The following SMDT1 variants were observed in gnomAD, a reference collection of about 807,000 sequenced individuals.
SMDT1 encodes the protein single-pass membrane protein with aspartate rich tail 1.
SMDT1 carries 6 observed loss-of-function variants against 5.9 expected under a neutral mutation model. The observed-to-expected ratio is 1.03, with a 90% CI of 0.56 to 2.02. The LOEUF is 2.02. SMDT1 is among the 30% of genes most tolerant of loss of function. SMDT1 has a pLI of 0.00. For synonymous variants in SMDT1, 81 were observed against 62.4 expected, an observed-to-expected ratio of 1.30 and a Z score of -1.40; for missense variants, 159 against 145.6, an observed-to-expected ratio of 1.09 and a Z score of -0.47.
rs1927590058 is a variant in SMDT1 at position 42,079,706 on chromosome 22, G to C, written c.-63G>C. ...CGAGGCTTCGGGCGGCTTTCTTCCC[G>C]AGGGCGGCACGAGGGCTGGGCGGTG... On this transcript the variant is annotated 5_prime_UTR_variant, in exon 1 of 3. Coordinates refer to ENST00000331479, the MANE Select transcript of SMDT1 (RefSeq NM_033318.5). 1 of 1,526,948 alleles carries C rather than the reference G, an allele frequency of 6.5e-7. No homozygotes were observed. Among genetic ancestry groups the C allele is most frequent in the South Asian group, 1.2e-5 (1 of 83,010 alleles). The allele number at this position is 1,526,948 out of a possible 1,614,324, so 94.6% of individuals were successfully genotyped here.
Position 42,079,919 on chromosome 22 carries a change from A to T in SMDT1, c.151A>T (p.Thr51Ser), listed in dbSNP as rs1927632891. 6.2e-7 allele frequency: 1 copy of T among 1,613,362 alleles called. No homozygotes were observed. The change falls in exon 1 of 3, where the codon ACC becomes TCC. Residue 51 changes from threonine to serine, a missense_variant. Physicochemically the swap from Thr to Ser is moderately conservative, Grantham distance 58. Transcript: ENST00000331479. The part of the protein sequence containing the change: ...SLVPSRSVIV[T>S]RSGAILPKPV... ...GGTACCGTCGAGGTCAGTCATCGTT[A>T]CCCGCAGCGGCGCCATTTTGCCCAA...
chr22:42,082,127 G>A (rs955023452), intron 2 of SMDT1, 62 bp downstream of exon 2: 2 of 1,587,316 alleles, frequency 1.3e-6, no homozygotes, highest in Non-Finnish European at 1.7e-6. Flanking sequence ...CTGTGATGCA[G>A]TCTGGCCTGG....
chr22:42,082,694 C>T (rs944040791), intron 2 of SMDT1, among the ~76,000 whole-genome samples: 1 of 152,200 alleles, frequency 6.6e-6, no homozygotes, highest in African/African-American at 2.4e-5. Context: ...ATACCCACCC[C>T]CAAACATTGG....
In SMDT1 at chr22:42,081,944, G is replaced by A. The variant is rs139230313; in HGVS notation, c.206G>A (p.Arg69His). The A allele has an allele frequency of 8.9e-5, 144 of 1,613,900 alleles. No homozygotes were observed. Among genetic ancestry groups the A allele is most frequent in the African/African-American group, 1.3e-4 (10 of 74,894 alleles). ...CTGCAGATGTCCTTCGGCCTTCTCC[G>A]TGTGTTCTCCATTGTGATCCCCTTT... ...KPVKMSFGLL[R>H]VFSIVIPFLY... The change falls in exon 2 of 3, where the codon CGT (arginine) becomes CAT (histidine). Residue 69 changes from arginine to histidine, a missense_variant. Transcript: ENST00000331479.
intron 1 of SMDT1, among the ~76,000 whole-genome samples, chr22:42,080,236 G>C (rs922140739): frequency 1.3e-5 from 2 of 152,186 alleles, no homozygotes; most frequent in African/African-American, 4.8e-5. Context: ...AGACTAGGCC[G>C]TGTGCTTCTA....
At chr22:42,081,878 C>G in intron 1 of SMDT1, 47 bp from the exon 2 acceptor site, 1 of 1,609,496 alleles carries the variant, frequency 6.2e-7, no homozygotes, top group Non-Finnish European at 8.5e-7. Context: ...TTTGGTCCTG[C>G]CAGAGTGGGC....
intron 1 of SMDT1, among the ~76,000 whole-genome samples, chr22:42,080,976 G>A (rs1927738728): frequency 6.6e-6 from 1 of 152,188 alleles, no homozygotes; most frequent in Admixed American, 6.5e-5. Flanking sequence ...TCTGTCATCG[G>A]TTTTCGTGTA....
intron 1 of SMDT1, among the ~76,000 whole-genome samples, chr22:42,081,477 TTTA>T (rs1927781163): frequency 6.7e-6 from 1 of 148,986 alleles, no homozygotes; most frequent in Non-Finnish European, 1.5e-5. Flanking sequence ...TTGTCTTTTT[TTTA>T]GACAGAGCCT....
intron 1 of SMDT1, 104 bp downstream of exon 1, chr22:42,080,058 T>C (rs1569461721): frequency 3.1e-6 from 4 of 1,282,744 alleles, no homozygotes; most frequent in Non-Finnish European, 3.2e-6. Flanking sequence ...ATCATAACGA[T>C]TACCGTAGAC....
In SMDT1 at chr22:42,079,940, C is replaced by T. The variant is rs1464247852; in HGVS notation, c.172C>T (p.Pro58Ser). Residue 58 changes from proline to serine, a missense_variant, in exon 1 of 3, where the codon CCC becomes TCC. Transcript: ENST00000331479. ...CGTTACCCGCAGCGGCGCCATTTTGCCCAAACCGGTGAAAGTGAGTGTCCT... is the reference window on the plus strand; with the variant it reads ...CGTTACCCGCAGCGGCGCCATTTTGTCCAAACCGGTGAAAGTGAGTGTCCT... ...VIVTRSGAILPKPVKMSFGLL... is the reference protein window; with the variant it reads ...VIVTRSGAILSKPVKMSFGLL... 2 of 1,611,602 alleles carry T rather than the reference C, an allele frequency of 1.2e-6. No homozygotes were observed. Among genetic ancestry groups the T allele is most frequent in the Non-Finnish European group, 8.5e-7 (1 of 1,178,508 alleles).
chr22:42,081,451 CA>C (rs1426132548), intron 1 of SMDT1, among the ~76,000 whole-genome samples: 1 of 151,718 alleles, frequency 6.6e-6, no homozygotes, highest in Non-Finnish European at 1.5e-5. Context: ...AGGTGTGAGC[CA>C]CTGCGCCCGG....
At chr22:42,082,774 G>A (rs1927883772) in intron 2 of SMDT1, among the ~76,000 whole-genome samples, 2 of 152,108 alleles carry the variant, frequency 1.3e-5, no homozygotes, top group Non-Finnish European at 1.5e-5. Context: ...ATTCTACAGT[G>A]TCTTTGAAGT....
chr22:42,083,825 C>T lies in SMDT1; in HGVS notation c.*710C>T, dbSNP rs1328499835. The T allele has an allele frequency of 1.3e-5, 2 of 152,176 alleles. No homozygotes were observed. The highest frequency in any genetic ancestry group is 1.5e-5 in the Non-Finnish European group (1 of 68,040). The allele number at this position is 152,176 out of a possible 1,614,324, so 9.4% of individuals were successfully genotyped here. ...CAGATCTTCTCCTGACCTCCTTTCA[C>T]CTGCTGCTTTTTCTCCCCAAGGCAG... On this transcript the variant is annotated 3_prime_UTR_variant, in exon 3 of 3. Transcript: ENST00000331479.
rs866772288 is a variant in SMDT1 at position 42,081,411 on chromosome 22, C to T, written c.187-514C>T. On this transcript the variant is annotated intron_variant, in intron 1 of 2. Coordinates refer to ENST00000331479, the MANE Select transcript of SMDT1 (RefSeq NM_033318.5). ...CGAACTTCTGACCTCGTGATCCGCCCGCCTCAGCCTCCCAAAGTGCTGGGA... is the reference window on the plus strand; with the variant it reads ...CGAACTTCTGACCTCGTGATCCGCCTGCCTCAGCCTCCCAAAGTGCTGGGA... Among the ~76,000 whole-genome samples, 25 of 152,106 alleles carry T rather than the reference C, an allele frequency of 1.6e-4. No homozygotes were observed. The Middle Eastern group carries it at 0.017, about 103-fold the overall frequency.
rs1216930381 is a variant in SMDT1, at chr22:42,083,478, G to T, written c.*363G>T. 2 of 152,196 alleles carry T rather than the reference G, an allele frequency of 1.3e-5. No homozygotes were observed. The highest frequency in any genetic ancestry group is 4.8e-5 in the African/African-American group (2 of 41,442). 9.4% of individuals were successfully genotyped at this position (152,196 alleles called of 1,614,324 possible). ...CCCAGGCTATCCAGGCTGCAGTGGAGCCTGGTGAACTATTCTGGGGGCCCT... is the reference window on the plus strand; with the variant it reads ...CCCAGGCTATCCAGGCTGCAGTGGATCCTGGTGAACTATTCTGGGGGCCCT... On this transcript the variant is annotated 3_prime_UTR_variant, in exon 3 of 3. Coordinates refer to ENST00000331479, the MANE Select transcript of SMDT1 (RefSeq NM_033318.5).
Position 42,079,812 on chromosome 22 carries a change from G to A in SMDT1, c.44G>A (p.Arg15Lys). 1 of 1,612,518 alleles carries A rather than the reference G, an allele frequency of 6.2e-7. No individual in the cohort carries two copies. Among genetic ancestry groups the A allele is most frequent in the South Asian group, 1.1e-5 (1 of 91,058 alleles). Residue 15 changes from arginine (R) to lysine (K), a missense_variant, in exon 1 of 3, where the codon AGG (arginine) becomes AAG (lysine). Arg to Lys is a conservative substitution (Grantham distance 26). Transcript: ENST00000331479. ...CGCTGGCTAGTATTGGCACCCGTCA[G>A]GTCCGGGGCTCTCCGGAGCGGGCCT... ...AARWLVLAPV[R>K]SGALRSGPSL...
chr22:42,079,819 G>A lies in SMDT1; in HGVS notation c.51G>A (p.Gly17=), dbSNP rs1215084038. The A allele has an allele frequency of 6.2e-7, 1 of 1,613,022 alleles. No homozygotes were observed. Among genetic ancestry groups the A allele is most frequent in the South Asian group, 1.1e-5 (1 of 91,056 alleles). The change falls in exon 1 of 3, where the codon GGG becomes GGA. Residue 17 remains glycine, a synonymous_variant. Transcript: ENST00000331479. The part of the protein sequence containing the change: ...RWLVLAPVRS[G]ALRSGPSLRK... Reference sequence around the variant, plus strand: ...TAGTATTGGCACCCGTCAGGTCCGGGGCTCTCCGGAGCGGGCCTAGCTTGA... The same window carrying A: ...TAGTATTGGCACCCGTCAGGTCCGGAGCTCTCCGGAGCGGGCCTAGCTTGA...
intron 1 of SMDT1, among the ~76,000 whole-genome samples, chr22:42,081,101 G>A (rs1164574429): frequency 2.6e-5 from 4 of 152,028 alleles, no homozygotes; most frequent in Non-Finnish European, 5.9e-5. Context: ...GATGTCTAGG[G>A]TGCCTTAGAC....
At chr22:42,080,077 G>A in intron 1 of SMDT1, 123 bp downstream of exon 1, 1 of 1,123,688 alleles carries the variant, frequency 8.9e-7, no homozygotes, top group Non-Finnish European at 1.2e-6. Flanking sequence ...ACTGGAAGGC[G>A]GACCAAGAAT....
Sources: gnomAD v4.1 joint callset for allele counts (sites outside exome capture counted in the v4.1 genomes callset) on GRCh38, gnomAD v4.1.1 for gene constraint, MANE v1.5 for transcripts, NCBI Gene and HGNC (gene_info 2026-07-23, HGNC 2026-07-21) for gene names.